HCCS: variants seen among roughly 807,000 people sequenced by gnomAD.
HCCS encodes the protein holocytochrome c-type synthase.
A neutral mutation model predicts 24.2 loss-of-function variants in HCCS; 2 were observed. The observed-to-expected ratio is 0.08, with a 90% CI of 0.03 to 0.26. The LOEUF (loss-of-function observed/expected upper bound fraction) is 0.26, where lower values mean the gene tolerates loss of function less well. Ranked by LOEUF, HCCS falls within the 10% of genes least tolerant of loss-of-function variation. The pLI, the probability that HCCS is intolerant of heterozygous loss-of-function variation, is 1.00. For synonymous variants in HCCS, 73 were observed against 76.2 expected, an observed-to-expected ratio of 0.96 and a Z score of 0.22; for missense variants, 150 against 213.3, an observed-to-expected ratio of 0.70 and a Z score of 1.85.
In HCCS at chrX:11,112,146, A is replaced by G; in HGVS notation, c.86A>G (p.Glu29Gly). ...ASPPSGCPMHEGKMKGCPVNT... is the reference protein window; with the variant it reads ...ASPPSGCPMHGGKMKGCPVNT... ...CCACCTTCAGGATGCCCGATGCATGAAGGGAAAATGAAAGGTAATCGGCCC... is the reference window on the plus strand; with the variant it reads ...CCACCTTCAGGATGCCCGATGCATGGAGGGAAAATGAAAGGTAATCGGCCC... The change falls in exon 2 of 7, where the codon GAA becomes GGA. Residue 29 changes from glutamate (E) to glycine (G), a missense_variant. This residue lies in a region of HCCS where 95 missense variants were observed against 79.1 expected (regional missense o/e 1.20). Coordinates refer to ENST00000380762, the MANE Select transcript of HCCS (RefSeq NM_005333.5). 8.4e-7 allele frequency: 1 copy of G among 1,196,856 alleles called. No individual in the cohort carries two copies. The highest frequency in any genetic ancestry group is 1.1e-6 in the Non-Finnish European group (1 of 881,714).
intron 5 of HCCS, among the ~76,000 whole-genome samples, chrX:11,119,622 G>A (rs2045475880): frequency 8.9e-6 from 1 of 112,511 alleles, no homozygotes; most frequent in African/African-American, 3.2e-5. Context: ...TTTTTTTAAG[G>A]TGTTTTGTTT....
In HCCS at chrX:11,121,887, G is replaced by A; in HGVS notation, c.*77G>A. On this transcript the variant is annotated 3_prime_UTR_variant, in exon 7 of 7. Coordinates refer to ENST00000380762, the MANE Select transcript of HCCS (RefSeq NM_005333.5). ...TAAACTATTTTCCCCAGATTGAATTGCACTCATGATGTAATGGGAACTTCA... is the reference window on the plus strand; with the variant it reads ...TAAACTATTTTCCCCAGATTGAATTACACTCATGATGTAATGGGAACTTCA... 1 of 839,023 alleles carries A rather than the reference G, an allele frequency of 1.2e-6. No homozygotes were observed. Among genetic ancestry groups the A allele is most frequent in the Non-Finnish European group, 1.7e-6 (1 of 572,866 alleles). The allele number at this position is 839,023 out of a possible 1,213,427, so 69.1% of individuals were successfully genotyped here. A position where few individuals can be genotyped will look rare whatever the true frequency, so the allele number is the denominator to read the frequency against.
rs940442969 is a variant in HCCS at position 11,122,889 on chromosome X, A to G, written c.*1079A>G. 10 of 110,343 alleles carry G rather than the reference A, an allele frequency of 9.1e-5. No homozygotes were observed. The highest frequency in any genetic ancestry group is 3.0e-4 in the African/African-American group (9 of 30,293). 9.1% of individuals were successfully genotyped at this position (110,343 alleles called of 1,213,427 possible). ...GACTGCTTTTTTTTTTTAACTGTCT[A>G]TACTATTAAATCCTTTAATTTATCC... On this transcript the variant is annotated 3_prime_UTR_variant, in exon 7 of 7. Coordinates refer to ENST00000380762, the MANE Select transcript of HCCS (RefSeq NM_005333.5).
At chrX:11,121,531 T>C in intron 6 of HCCS, 81 bp from the exon 7 acceptor site, 1 of 825,288 alleles carries the variant, frequency 1.2e-6, no homozygotes, top group East Asian at 3.1e-5. Flanking sequence ...TTGCATGTGC[T>C]TCTTGAGTTT....
chrX:11,117,778 C>T (rs753538134), intron 4 of HCCS, among the ~76,000 whole-genome samples: 33 of 112,031 alleles, frequency 2.9e-4, no homozygotes, highest in South Asian at 2.2e-3. Flanking sequence ...TGAAAGCCAG[C>T]GGTCTCAAGA....
At chrX:11,115,056 G>C in intron 3 of HCCS, 70 bp downstream of exon 3, 2 of 884,623 alleles carry the variant, frequency 2.3e-6, no homozygotes, top group Middle Eastern at 3.2e-4. Context: ...CCCAAGACAA[G>C]TTGCAAATGG....
rs1401614580 is a variant in HCCS, at chrX:11,112,088, G to A, written c.28G>A (p.Val10Ile). 5.8e-6 allele frequency: 7 copies of A among 1,209,704 alleles called. No individual in the cohort carries two copies. Among genetic ancestry groups the A allele is most frequent in the Non-Finnish European group, 7.8e-6 (7 of 893,237 alleles). MGLSPSAPA[V>I]AVQASNASAS... ...GGGTTTGTCTCCATCTGCTCCTGCT[G>A]TTGCAGTTCAGGCCTCAAATGCTTC... The change falls in exon 2 of 7, where the codon GTT becomes ATT. Residue 10 changes from valine to isoleucine, a missense_variant. Val to Ile is a conservative substitution (Grantham distance 29). This residue lies in a region of HCCS where 95 missense variants were observed against 79.1 expected (regional missense o/e 1.20). Coordinates refer to ENST00000380762, the MANE Select transcript of HCCS (RefSeq NM_005333.5).
chrX:11,119,392 G>T (rs1288570343), intron 5 of HCCS, among the ~76,000 whole-genome samples: 2 of 111,518 alleles, frequency 1.8e-5, no homozygotes, highest in Non-Finnish European at 3.8e-5. Flanking sequence ...TCTCACACTG[G>T]AGCGTGCATC....
At chrX:11,111,879 A>G (rs2045410631) in intron 1 of HCCS, 140 bp from the exon 2 acceptor site, 2 of 476,018 alleles carry the variant, frequency 4.2e-6, no homozygotes, top group Admixed American at 5.8e-5. Flanking sequence ...CAATATATTA[A>G]AGCTGTCCTT....
chrX:11,121,918 G>A lies in HCCS; in HGVS notation c.*108G>A. On this transcript the variant is annotated 3_prime_UTR_variant, in exon 7 of 7. Transcript: ENST00000380762. Reference sequence around the variant, plus strand: ...ATGATGTAATGGGAACTTCAAGTGGGTAATCACACTTTTTCCTTCACTTAA... The same window carrying A: ...ATGATGTAATGGGAACTTCAAGTGGATAATCACACTTTTTCCTTCACTTAA... The A allele has an allele frequency of 3.2e-6, 2 of 625,650 alleles. No homozygotes were observed. The highest frequency in any genetic ancestry group is 5.3e-5 in the Admixed American group (2 of 37,652). The allele number at this position is 625,650 out of a possible 1,213,427, so 51.6% of individuals were successfully genotyped here.
chrX:11,117,739 C>T (rs182042981), intron 4 of HCCS, among the ~76,000 whole-genome samples: 2 of 111,473 alleles, frequency 1.8e-5, no homozygotes, highest in East Asian at 2.8e-4. Flanking sequence ...AGCTGGAGAC[C>T]GAGGAGAGCC....
At chrX:11,121,557 C>T (rs773204162) in intron 6 of HCCS, 55 bp from the exon 7 acceptor site, 48 of 1,018,492 alleles carry the variant, frequency 4.7e-5, no homozygotes, top group South Asian at 5.7e-5. Context: ...TGGCTTAAAC[C>T]GGGACTGAAT....
rs907410349 is a variant in HCCS, at chrX:11,115,071, G to T, written c.252+85G>T. On this transcript the variant is annotated intron_variant, in intron 3 of 6. Transcript: ENST00000380762. ...CCCAAGACAAGTTGCAAATGGCTAGGATGAATTCTTCTGTCCTTTGAAAAC... is the reference window on the plus strand; with the variant it reads ...CCCAAGACAAGTTGCAAATGGCTAGTATGAATTCTTCTGTCCTTTGAAAAC... 3 of 771,226 alleles carry T rather than the reference G, an allele frequency of 3.9e-6. No individual in the cohort carries two copies. In the Admixed American group the frequency reaches 6.6e-5, roughly 17 times the overall value. 63.6% of individuals were successfully genotyped at this position (771,226 alleles called of 1,213,427 possible).
chrX:11,116,396 T>A (rs961308195), intron 3 of HCCS, among the ~76,000 whole-genome samples: 1 of 112,738 alleles, frequency 8.9e-6, no homozygotes, highest in African/African-American at 3.2e-5. Flanking sequence ...AGACCCATGT[T>A]CTTAAACACA....
chrX:11,118,706 T>A, intron 5 of HCCS, 86 bp downstream of exon 5: 1 of 1,008,802 alleles, frequency 9.9e-7, no homozygotes, highest in Non-Finnish European at 1.4e-6. Context: ...AAATCATTTG[T>A]TCTAATAAAA....
At chrX:11,112,894 G>T in intron 2 of HCCS, among the ~76,000 whole-genome samples, 1 of 112,518 alleles carries the variant, frequency 8.9e-6, no homozygotes, top group Admixed American at 9.3e-5. Context: ...ATCCTACAAT[G>T]TACAGAACAG....
At chrX:11,114,392 A>C (rs183224915) in intron 2 of HCCS, among the ~76,000 whole-genome samples, 3 of 112,014 alleles carry the variant, frequency 2.7e-5, no homozygotes, top group African/African-American at 9.7e-5. Context: ...CTGGATTGCA[A>C]CTGTGTCCTG....
intron 5 of HCCS, 22 bp from the exon 6 acceptor site, chrX:11,120,885 T>A (rs1386564908): frequency 1.7e-6 from 2 of 1,152,985 alleles, no homozygotes; most frequent in Non-Finnish European, 2.4e-6. Context: ...TTAACAGACT[T>A]TTCTTATTTG....
Sources: gnomAD v4.1 joint callset for allele counts (sites outside exome capture counted in the v4.1 genomes callset) on GRCh38, gnomAD v4.1.1 for gene constraint, gnomAD v4.1.1 regional missense constraint, MANE v1.5 for transcripts, NCBI Gene and HGNC (gene_info 2026-07-23, HGNC 2026-07-21) for gene names.